The following NSMF variants were observed in gnomAD, a reference collection of about 807,000 sequenced individuals.
The protein encoded by NSMF is nasal embryonic LHRH factor.
A neutral mutation model predicts 71.0 loss-of-function variants in NSMF; 31 were observed. The observed-to-expected ratio is 0.44, with a 90% CI of 0.33 to 0.59. The LOEUF (loss-of-function observed/expected upper bound fraction) is 0.59. Among genes scored for constraint, NSMF ranks in the 20% least tolerant of loss-of-function variants. The pLI is 0.04. For missense variants in NSMF, 673 were observed against 740.5 expected, an observed-to-expected ratio of 0.91 and a Z score of 1.06; for synonymous variants, 345 against 287.1, an observed-to-expected ratio of 1.20 and a Z score of -2.04.
In NSMF at chr9:137,453,965, C is replaced by T. The variant is rs1830688016; in HGVS notation, c.833-145G>A. On this transcript the variant is annotated intron_variant, in intron 7 of 15. Coordinates refer to ENST00000371475, the MANE Select transcript of NSMF (RefSeq NM_001130969.3). This position sits in a 1 kb window ranked among gnomAD's most constrained non-coding sequence, Gnocchi z 4.5. ...TAAGGCACATGAAGCAGACACGGAC[C>T]AGAGGCTCGGTTGGTTCAGGGGCAG... is the stretch of plus-strand genomic sequence containing the variant. 2 of 687,092 alleles carry T rather than the reference C, an allele frequency of 2.9e-6. No homozygotes were observed. Among genetic ancestry groups the T allele is most frequent in the Admixed American group, 2.4e-5 (1 of 42,250 alleles). The allele number at this position is 687,092 out of a possible 1,614,324, so 42.6% of individuals were successfully genotyped here. A position where few individuals can be genotyped will look rare whatever the true frequency, so the allele number is the denominator to read the frequency against.
intron 13 of NSMF, 39 bp from the exon 14 acceptor site, chr9:137,450,064 G>A: frequency 6.3e-6 from 10 of 1,593,762 alleles, no homozygotes; most frequent in Non-Finnish European, 8.6e-6. Flanking sequence ...GCAGGGGACA[G>A]GCACCCCACT....
At chr9:137,455,086 T>C (rs1292854719) in intron 6 of NSMF, 153 bp downstream of exon 6, 2 of 838,266 alleles carry the variant, frequency 2.4e-6, no homozygotes, top group Non-Finnish European at 4.1e-6. Context: ...CCGGGCCACA[T>C]GGCCTCTCCT....
In NSMF at chr9:137,447,672, G is replaced by A. The variant is rs1199564509; in HGVS notation, c.*1722C>T. ...CCTGGAAGAGCTGGAGGTGGCTGAC[G>A]GCTGTGTGACCACCCCCAGCACACT... On this transcript the variant is annotated 3_prime_UTR_variant, in exon 16 of 16. Transcript: ENST00000371475. The A allele has an allele frequency of 6.6e-6, 1 of 150,518 alleles. No individual in the cohort carries two copies. Among genetic ancestry groups the A allele is most frequent in the East Asian group, 1.9e-4 (1 of 5,132 alleles). 9.3% of individuals were successfully genotyped at this position (150,518 alleles called of 1,614,324 possible). A position where few individuals can be genotyped will look rare whatever the true frequency, so the allele number is the denominator to read the frequency against.
In NSMF at chr9:137,447,684, A is replaced by C. The variant is rs1014889235; in HGVS notation, c.*1710T>G. 2.0e-5 allele frequency: 3 copies of C among 149,084 alleles called. No individual in the cohort carries two copies. The highest frequency in any genetic ancestry group is 4.5e-5 in the Non-Finnish European group (3 of 67,240). 9.2% of individuals were successfully genotyped at this position (149,084 alleles called of 1,614,324 possible). On this transcript the variant is annotated 3_prime_UTR_variant, in exon 16 of 16. Coordinates refer to ENST00000371475, the MANE Select transcript of NSMF (RefSeq NM_001130969.3). ...GGAGGTGGCTGACGGCTGTGTGACCACCCCCAGCACACTGGGCCTCAAGCC... is the reference window on the plus strand; with the variant it reads ...GGAGGTGGCTGACGGCTGTGTGACCCCCCCCAGCACACTGGGCCTCAAGCC...
In NSMF at chr9:137,459,021, GCCGCACTCA is replaced by G; in HGVS notation, c.71+2_71+10del. On this transcript the variant is annotated splice_donor_variant and splice_donor_5th_base_variant and intron_variant, in intron 1 of 15. Coordinates refer to ENST00000371475, the MANE Select transcript of NSMF (RefSeq NM_001130969.3). LOFTEE classifies it high-confidence loss of function. The stretch of plus-strand genomic sequence containing the variant: ...GGGCGGGGTGCGGGAAGGCGGCCCC[GCCGCACTCA>G]CCGCACTTTGGCCGCCACCGAGGAC... 7.8e-7 allele frequency: 1 copy of G among 1,282,724 alleles called. No individual in the cohort carries two copies. The highest frequency in any genetic ancestry group is 9.8e-7 in the Non-Finnish European group (1 of 1,016,276). 79.5% of individuals were successfully genotyped at this position (1,282,724 alleles called of 1,614,324 possible).
At position 137,457,492 on chromosome 9, in the gene NSMF, G is replaced by A. The variant is rs544149231; in HGVS notation, c.543C>T (p.Ala181=). The A allele has an allele frequency of 4.6e-5, 74 of 1,612,436 alleles. 1 individual carries two copies. In the South Asian group the frequency reaches 7.7e-4, roughly 17 times the overall value. ...GCAGAGGTGGCTGGTCCAGCCCAAA[G>A]GCCCGAGGGGTGGGGCCAGGAGCCA... ...AQLAPGPTPR[A]FGLDQPPLPE... The change falls in exon 3 of 16, where the codon GCC becomes GCT. Residue 181 remains alanine, a synonymous_variant. Coordinates refer to ENST00000371475, the MANE Select transcript of NSMF (RefSeq NM_001130969.3).
At chr9:137,449,783 G>A in intron 14 of NSMF, 109 bp from the exon 15 acceptor site, 1 of 1,303,040 alleles carries the variant, frequency 7.7e-7, no homozygotes. Context: ...CCCAAACCTG[G>A]CTGGGCTCAG....
chr9:137,452,507 C>T (rs1224063667), intron 11 of NSMF, 46 bp downstream of exon 11: 3 of 1,612,430 alleles, frequency 1.9e-6, no homozygotes, highest in Non-Finnish European at 2.5e-6. Context: ...GTGTCTGCCC[C>T]TCCCAGGCCT....
At chr9:137,456,360 G>A (rs369922315) in intron 4 of NSMF, 51 bp downstream of exon 4, 39 of 1,413,026 alleles carry the variant, frequency 2.8e-5, no homozygotes, top group Non-Finnish European at 3.6e-5. Flanking sequence ...TTCCTGAGCA[G>A]CAGAAAGAGA....
In NSMF at chr9:137,449,246, G is replaced by A. The variant is rs1457021375; in HGVS notation, c.*148C>T. 2.8e-6 allele frequency: 2 copies of A among 703,702 alleles called. No homozygotes were observed. Among genetic ancestry groups the A allele is most frequent in the Non-Finnish European group, 5.0e-6 (2 of 396,656 alleles). 43.6% of individuals were successfully genotyped at this position (703,702 alleles called of 1,614,324 possible). On this transcript the variant is annotated 3_prime_UTR_variant, in exon 16 of 16. Coordinates refer to ENST00000371475, the MANE Select transcript of NSMF (RefSeq NM_001130969.3). Reference sequence around the variant, plus strand: ...GGTGCAGCGAGGACCGGAACCCACAGGGGGAACCTGAGCAACGTCTGAGGT... The same window carrying A: ...GGTGCAGCGAGGACCGGAACCCACAAGGGGAACCTGAGCAACGTCTGAGGT...
rs984657273 is a variant in NSMF at position 137,457,636 on chromosome 9, G to A, written c.399C>T (p.His133=). 1.9e-6 allele frequency: 3 copies of A among 1,549,916 alleles called. No homozygotes were observed. In the Admixed American group the frequency reaches 5.9e-5, roughly 30 times the overall value. ...VVKGRRQRHP[H]HHSQPLRASP... ...TGGCGCGCAGGGGCTGGCTGTGATG[G>A]TGAGGGTGCCGCTGCCGCCGCCCCT... Residue 133 remains histidine (H), a synonymous_variant, in exon 3 of 16, where the codon CAC becomes CAT. Coordinates refer to ENST00000371475, the MANE Select transcript of NSMF (RefSeq NM_001130969.3).
rs748381214 is a variant in NSMF at position 137,453,719 on chromosome 9, CG to C, written c.922+11del. On this transcript the variant is annotated intron_variant, in intron 8 of 15. Transcript: ENST00000371475. This position sits in a 1 kb window ranked among gnomAD's most constrained non-coding sequence, Gnocchi z 4.5. ...TCTGGGGAAGGTGGGCGGGCCTGTG[CG>C]GGGCACCTACTGTCTCGGGAGTCGT... 21 of 1,592,228 alleles carry C rather than the reference CG, an allele frequency of 1.3e-5. No homozygotes were observed. The East Asian group carries it at 3.8e-4, about 29-fold the overall frequency.
intron 14 of NSMF, 121 bp downstream of exon 14, chr9:137,449,802 G>A (rs979126399): frequency 1.5e-6 from 2 of 1,298,060 alleles, no homozygotes; most frequent in African/African-American, 1.5e-5. Flanking sequence ...AGGCATAAAG[G>A]ATTTCTAGGG....
Position 137,457,619 on chromosome 9 carries a change from A to T in NSMF, c.416T>A (p.Leu139Gln), listed in dbSNP as rs1423035426. ...CCGGCTGCCACCAGGGCTGGCGCGC[A>T]GGGGCTGGCTGTGATGGTGAGGGTG... ...QRHPHHHSQPLRASPGGSRED... is the reference protein window; with the variant it reads ...QRHPHHHSQPQRASPGGSRED... Residue 139 changes from leucine (L) to glutamine (Q), a missense_variant, in exon 3 of 16, where the codon CTG becomes CAG. Coordinates refer to ENST00000371475, the MANE Select transcript of NSMF (RefSeq NM_001130969.3). 6.4e-7 allele frequency: 1 copy of T among 1,550,810 alleles called. No homozygotes were observed. The highest frequency in any genetic ancestry group is 1.2e-5 in the South Asian group (1 of 84,724).
At chr9:137,456,207 T>TGTG (rs1830824026) in intron 4 of NSMF, among the ~76,000 whole-genome samples, 1 of 103,120 alleles carries the variant, frequency 9.7e-6, no homozygotes, top group African/African-American at 3.5e-5. Context: ...TGTGTGTGTG[T>TGTG]GGGGGGGGGG....
chr9:137,454,534 T>C, intron 6 of NSMF, 91 bp from the exon 7 acceptor site: 1 of 1,549,116 alleles, frequency 6.5e-7, no homozygotes, highest in African/African-American at 1.4e-5. Context: ...GGCTCTACTC[T>C]CACCCCTTCG....
At position 137,453,522 on chromosome 9, in the gene NSMF, A is replaced by G. The variant is rs910826962; in HGVS notation, c.922+209T>C. On this transcript the variant is annotated intron_variant, in intron 8 of 15. Coordinates refer to ENST00000371475, the MANE Select transcript of NSMF (RefSeq NM_001130969.3). This position sits in a 1 kb window ranked among gnomAD's most constrained non-coding sequence, Gnocchi z 4.5. Reference sequence around the variant, plus strand: ...CGAGTGGCGGTGGGCACGGCCCTACAGGCGCCCCCGGCCAGCACTGCCGCG... The same window carrying G: ...CGAGTGGCGGTGGGCACGGCCCTACGGGCGCCCCCGGCCAGCACTGCCGCG... 9 of 602,914 alleles carry G rather than the reference A, an allele frequency of 1.5e-5. No homozygotes were observed. Among genetic ancestry groups the G allele is most frequent in the African/African-American group, 1.1e-4 (6 of 53,700 alleles). The allele number at this position is 602,914 out of a possible 1,614,324, so 37.3% of individuals were successfully genotyped here.
chr9:137,456,501 A>G lies in NSMF; in HGVS notation c.629-15T>C. 1 of 1,584,886 alleles carries G rather than the reference A, an allele frequency of 6.3e-7. No homozygotes were observed. The highest frequency in any genetic ancestry group is 8.7e-7 in the Non-Finnish European group (1 of 1,154,134). On this transcript the variant is annotated splice_polypyrimidine_tract_variant and intron_variant, in intron 3 of 15. Coordinates refer to ENST00000371475, the MANE Select transcript of NSMF (RefSeq NM_001130969.3). ...AGGGATGTCGTCTAAGAGAGACAAA[A>G]AGGAGCGGTGGCTGGGTGAAGTAGG... is the stretch of plus-strand genomic sequence containing the variant.
intron 2 of NSMF, 143 bp from the exon 3 acceptor site, chr9:137,458,044 G>T: frequency 8.2e-7 from 1 of 1,214,772 alleles, no homozygotes; most frequent in Non-Finnish European, 1.2e-6. Flanking sequence ...TCACTGGCGT[G>T]TTTCTGAGCC....
Sources: gnomAD v4.1 joint callset for allele counts (sites outside exome capture counted in the v4.1 genomes callset) on GRCh38, gnomAD v4.1.1 for gene constraint, Gnocchi (gnomAD v3.1) non-coding constraint, MANE v1.5 for transcripts, NCBI Gene and HGNC (gene_info 2026-07-23, HGNC 2026-07-21) for gene names.